Variants in APPL2 observed in about 807,000 individuals in gnomAD.
The protein encoded by APPL2 is DCC-interacting protein 13-beta.
In APPL2, 84 loss-of-function variants were observed where a neutral mutation model predicts 92.7. The ratio of observed to expected loss-of-function variants is 0.91; its 90% CI spans 0.76 to 1.09. The LOEUF (loss-of-function observed/expected upper bound fraction) is 1.09, where lower values mean the gene tolerates loss of function less well. APPL2 is among the 50% of genes least tolerant of loss of function. The pLI is 0.00. For synonymous variants in APPL2, 291 were observed against 291.0 expected (o/e 1.00, Z 0.00); for missense variants, 736 against 824.5 (o/e 0.89, Z 1.31).
chr12:105,200,789 AG>A (rs1379694316), intron 9 of APPL2, among the ~76,000 whole-genome samples: 1 of 152,190 alleles, frequency 6.6e-6, no homozygotes. Context: ...TCTGGAGGTA[AG>A]GAACGTTGGG....
chr12:105,190,212 C>A, intron 14 of APPL2, 57 bp from the exon 15 acceptor site: 3 of 1,549,324 alleles, frequency 1.9e-6, no homozygotes, highest in Non-Finnish European at 8.7e-7. Flanking sequence ...CAAGTGAATA[C>A]TTGTTGAAGG....
chr12:105,192,215 G>T (rs1231060580), intron 14 of APPL2, among the ~76,000 whole-genome samples: 1 of 152,136 alleles, frequency 6.6e-6, no homozygotes, highest in Non-Finnish European at 1.5e-5. Context: ...TCCAGAATAA[G>T]TCCACATCCA....
chr12:105,205,473 A>T (rs563190402), intron 8 of APPL2, among the ~76,000 whole-genome samples: 1 of 152,292 alleles, frequency 6.6e-6, no homozygotes, highest in South Asian at 2.1e-4. Flanking sequence ...CAGAGCACTC[A>T]CTTAAGAGAG....
chr12:105,190,711 G>A (rs74802930), intron 14 of APPL2, among the ~76,000 whole-genome samples: 334 of 152,234 alleles, frequency 2.2e-3, no homozygotes, highest in African/African-American at 7.7e-3. Context: ...TAGGCCAGCC[G>A]GCACCCCGCC....
At chr12:105,178,754 G>A (rs1885802168) in intron 17 of APPL2, among the ~76,000 whole-genome samples, 1 of 152,226 alleles carries the variant, frequency 6.6e-6, no homozygotes, top group Admixed American at 6.5e-5. Context: ...GACAGTTAAT[G>A]AGAAGTGTGT....
chr12:105,229,088 C>A, intron 2 of APPL2, 37 bp downstream of exon 2: 1 of 1,548,994 alleles, frequency 6.5e-7, no homozygotes, highest in South Asian at 1.2e-5. Context: ...GAGAGAATGC[C>A]CACTCTGCGG....
At chr12:105,188,553 T>G (rs973987506) in intron 16 of APPL2, 106 bp from the exon 17 acceptor site, 1 of 1,234,052 alleles carries the variant, frequency 8.1e-7, no homozygotes. Context: ...GTGGAGGACT[T>G]TCTACCAAAA....
chr12:105,198,587 A>G (rs2135971570), intron 10 of APPL2, among the ~76,000 whole-genome samples: 1 of 152,284 alleles, frequency 6.6e-6, no homozygotes, highest in South Asian at 2.1e-4. Context: ...TGGACCCTCC[A>G]CTGGGGGTTA....
intron 17 of APPL2, among the ~76,000 whole-genome samples, chr12:105,184,692 T>C (rs1452794734): frequency 6.6e-6 from 1 of 152,206 alleles, no homozygotes; most frequent in Non-Finnish European, 1.5e-5. Context: ...TGTCTGTCGA[T>C]TCCTGCTGGG....
In APPL2 at chr12:105,177,216, C is replaced by T. The variant is rs773848624; in HGVS notation, c.1671+10G>A. ...GTAATCACTAACATGAACCTGTATG[C>T]GGTACTTACATTGGCCCTTGATACT... On this transcript the variant is annotated intron_variant, in intron 18 of 20. Coordinates refer to ENST00000258530, the MANE Select transcript of APPL2 (RefSeq NM_018171.5). 32 of 1,613,370 alleles carry T rather than the reference C, an allele frequency of 2.0e-5. No individual in the cohort carries two copies. The East Asian group carries it at 3.6e-4, about 18-fold the overall frequency.
intron 2 of APPL2, among the ~76,000 whole-genome samples, chr12:105,224,511 G>A (rs77789024): frequency 0.026 from 4,025 of 152,280 alleles, 90 homozygotes; most frequent in Non-Finnish European, 0.035. Flanking sequence ...AAGAGCGAAC[G>A]CAGGCTTTGC....
At chr12:105,174,876 T>TTGG (rs1555244797) in intron 20 of APPL2, among the ~76,000 whole-genome samples, 1 of 89,010 alleles carries the variant, frequency 1.1e-5, no homozygotes, top group African/African-American at 4.7e-5. Flanking sequence ...TTTTTTTTGG[T>TTGG]GGGGGGGGGG....
chr12:105,197,246 A>G (rs1592784130), intron 11 of APPL2, among the ~76,000 whole-genome samples: 1 of 151,792 alleles, frequency 6.6e-6, no homozygotes, highest in African/African-American at 2.4e-5. Context: ...GTAAAGTACC[A>G]CCTCTTTGGG....
chr12:105,177,173 AC>A (rs1300842504), intron 18 of APPL2, 52 bp downstream of exon 18: 1 of 1,604,976 alleles, frequency 6.2e-7, no homozygotes, highest in East Asian at 2.2e-5. Context: ...TAAGGTAGAT[AC>A]AAAGGTGAAT....
rs1305205220 is a variant in APPL2, at chr12:105,190,085, G to A, written c.1312C>T (p.Pro438Ser). ...GGCGCGATCAGCTCCTCTGCTTCAG[G>A]TAGACTGGCTGTTGCTTTGGGAACA... is the stretch of plus-strand genomic sequence containing the variant. ...KIVPKATASL[P>S]EAEELIAPGT... The change falls in exon 15 of 21, where the codon CCT becomes TCT. Residue 438 changes from proline (P) to serine (S), a missense_variant. Transcript: ENST00000258530. 9.9e-6 allele frequency: 16 copies of A among 1,614,054 alleles called. No individual in the cohort carries two copies. The highest frequency in any genetic ancestry group is 1.3e-5 in the Non-Finnish European group (15 of 1,180,028).
Position 105,197,752 on chromosome 12 carries a change from G to A in APPL2, c.1052+13C>T, listed in dbSNP as rs759378054. The A allele has an allele frequency of 5.8e-5, 94 of 1,614,078 alleles. No individual in the cohort carries two copies. Among genetic ancestry groups the A allele is most frequent in the Non-Finnish European group, 7.8e-5 (92 of 1,180,008 alleles). ...TACTCATTCTCCTCCCAAATAAAAC[G>A]CGTGAAACATACGATTTTCCATTGG... On this transcript the variant is annotated intron_variant, in intron 11 of 20. Transcript: ENST00000258530.
chr12:105,220,615 T>C (rs951913930), intron 2 of APPL2, among the ~76,000 whole-genome samples: 6 of 152,208 alleles, frequency 3.9e-5, no homozygotes, highest in Non-Finnish European at 5.9e-5. Context: ...CTTCAGAGAC[T>C]GGTCAACACA....
At chr12:105,181,393 T>TAACA (rs1886099218) in intron 17 of APPL2, among the ~76,000 whole-genome samples, 1 of 152,206 alleles carries the variant, frequency 6.6e-6, no homozygotes, top group African/African-American at 2.4e-5. Flanking sequence ...TGCATTGATG[T>TAACA]TCATCAGGGG....
chr12:105,196,505 G>A (rs1566067336), intron 11 of APPL2, among the ~76,000 whole-genome samples: 4 of 134,096 alleles, frequency 3.0e-5, no homozygotes, highest in Non-Finnish European at 4.6e-5. Flanking sequence ...GTGTGATCTC[G>A]GCTCACCACA....
Sources: allele counts gnomAD v4.1 joint callset (sites outside exome capture counted in the v4.1 genomes callset), GRCh38; gene constraint gnomAD v4.1.1; transcripts MANE v1.5; gene names NCBI Gene and HGNC (gene_info 2026-07-23, HGNC 2026-07-21).